ROBO1: variants seen among roughly 807,000 people sequenced by gnomAD.
The protein encoded by ROBO1 is roundabout guidance receptor 1.
In ROBO1, 149 loss-of-function variants were observed where a neutral mutation model predicts 195.9. That is an observed-to-expected ratio of 0.76 (90% CI 0.67 to 0.87). ROBO1 has a LOEUF of 0.87. Among genes scored for constraint, ROBO1 ranks in the 40% least tolerant of loss-of-function variants. ROBO1 has a pLI of 0.00. For missense variants in ROBO1, 1,933 were observed against 2,068.3 expected (o/e 0.93, Z 1.27); for synonymous variants, 816 against 733.2 (o/e 1.11, Z -1.82).
chr3:79,497,513 T>C (rs1289663144), intron 2 of ROBO1, among the ~76,000 whole-genome samples: 1 of 152,192 alleles, frequency 6.6e-6, no homozygotes, highest in East Asian at 1.9e-4. Context: ...CACAATATTA[T>C]CTTTTATAAG....
In ROBO1 at chr3:78,598,033, A is replaced by AAAGT. The variant is rs1366753183; in HGVS notation, c.*876_*879dup. ...CAAACTTCCTTAAGTGGCACTTCTG[A>AAAGT]AAGTTGAACTGACACTACCAGAAGA... is the stretch of plus-strand genomic sequence containing the variant. On this transcript the variant is annotated 3_prime_UTR_variant, in exon 31 of 31. Transcript: ENST00000464233. 6.6e-6 allele frequency: 1 copy of AAAGT among 152,650 alleles called. No individual in the cohort carries two copies. Among genetic ancestry groups the AAAGT allele is most frequent in the East Asian group, 1.9e-4 (1 of 5,188 alleles). The allele number at this position is 152,650 out of a possible 1,614,324, so 9.5% of individuals were successfully genotyped here.
intron 2 of ROBO1, among the ~76,000 whole-genome samples, chr3:79,358,397 T>C (rs1295987024): frequency 2.6e-5 from 4 of 152,032 alleles, no homozygotes; most frequent in African/African-American, 9.7e-5. Context: ...TCAGTCTGTG[T>C]CTCCTCTTTG....
At chr3:78,938,490 T>A in intron 4 of ROBO1, 111 bp downstream of exon 4, 1 of 833,908 alleles carries the variant, frequency 1.2e-6, no homozygotes, top group Non-Finnish European at 1.8e-6. Context: ...AGCTAGAGTT[T>A]ATCCTCAGGT....
intron 1 of ROBO1, among the ~76,000 whole-genome samples, chr3:79,712,039 C>T (rs1172569382): frequency 2.0e-5 from 3 of 152,036 alleles, no homozygotes; most frequent in African/African-American, 7.2e-5. Context: ...CCCTGTTTCT[C>T]TCCTTACTTT....
At chr3:79,707,726 T>A (rs1470210987) in intron 1 of ROBO1, among the ~76,000 whole-genome samples, 1 of 152,132 alleles carries the variant, frequency 6.6e-6, no homozygotes, top group Non-Finnish European at 1.5e-5. Context: ...GCCAGGATGG[T>A]CTCGATCTCC....
chr3:79,532,723 A>G (rs1941708686), intron 2 of ROBO1, among the ~76,000 whole-genome samples: 1 of 152,166 alleles, frequency 6.6e-6, no homozygotes, highest in African/African-American at 2.4e-5. Context: ...GCAAACAAAC[A>G]AACTTGGAGG....
At chr3:79,739,440 T>C (rs775990469) in intron 1 of ROBO1, among the ~76,000 whole-genome samples, 6 of 152,194 alleles carry the variant, frequency 3.9e-5, no homozygotes, top group Non-Finnish European at 8.8e-5. Context: ...ATAAGTGGTC[T>C]GGGTTTGGTT....
At chr3:78,758,250 T>C (rs956349791) in intron 4 of ROBO1, among the ~76,000 whole-genome samples, 1 of 152,212 alleles carries the variant, frequency 6.6e-6, no homozygotes, top group African/African-American at 2.4e-5. Context: ...CTGGGGGCAG[T>C]GGCTCACGCC....
At position 79,715,344 on chromosome 3, in the gene ROBO1, A is replaced by G. The variant is rs115582386; in HGVS notation, c.-51+52408T>C. Among the ~76,000 whole-genome samples the G allele has an allele frequency of 3.1e-3, 477 of 152,216 alleles. 2 individuals are homozygous for G. The highest frequency in any genetic ancestry group is 0.011 in the African/African-American group (448 of 41,556). On this transcript the variant is annotated intron_variant, in intron 1 of 30. Transcript: ENST00000464233. ...AGAGCCAATCAATGCAGCAAACCTC[A>G]TTGTTTTAAGAAATTGCCACAGTTA...
At chr3:79,052,810 G>C (rs2078729068) in intron 3 of ROBO1, among the ~76,000 whole-genome samples, 1 of 152,090 alleles carries the variant, frequency 6.6e-6, no homozygotes, top group Non-Finnish European at 1.5e-5. Flanking sequence ...CCTTTGGTAG[G>C]TGTGGAGAAA....
chr3:79,725,931 A>ATAT lies in ROBO1; in HGVS notation c.-51+41820_-51+41821insATA, dbSNP rs1279007857. Among the ~76,000 whole-genome samples the ATAT allele has an allele frequency of 1.1e-4, 16 of 151,362 alleles. No homozygotes were observed. In the East Asian group the frequency reaches 2.1e-3, roughly 20 times the overall value. On this transcript the variant is annotated intron_variant, in intron 1 of 30. Coordinates refer to ENST00000464233, the MANE Select transcript of ROBO1 (RefSeq NM_002941.4). The stretch of plus-strand genomic sequence containing the variant: ...AAAAAAAAAACTTTTCTTAAAAAAA[A>ATAT]AAGTATATCTGGCACTTGTTTGATC...
intron 2 of ROBO1, among the ~76,000 whole-genome samples, chr3:79,159,191 T>C (rs928019798): frequency 1.3e-5 from 2 of 152,024 alleles, no homozygotes; most frequent in Non-Finnish European, 1.5e-5. Flanking sequence ...ATTTGGCCTC[T>C]ATCAACCCTG....
intron 2 of ROBO1, among the ~76,000 whole-genome samples, chr3:79,243,372 T>A (rs2082559168): frequency 1.3e-5 from 2 of 152,168 alleles, no homozygotes; most frequent in Admixed American, 1.3e-4. Context: ...CTGGTTCAAA[T>A]GGTATTTCTA....
intron 3 of ROBO1, among the ~76,000 whole-genome samples, chr3:78,950,845 A>C (rs939961772): frequency 1.3e-5 from 2 of 151,976 alleles, no homozygotes; most frequent in African/African-American, 4.8e-5. Flanking sequence ...CTTTCCATGT[A>C]CTGTGCCATC....
At chr3:79,327,488 G>A (rs1228604711) in intron 2 of ROBO1, among the ~76,000 whole-genome samples, 1 of 151,834 alleles carries the variant, frequency 6.6e-6, no homozygotes, top group Non-Finnish European at 1.5e-5. Flanking sequence ...CAGACTTCCC[G>A]AGTTCCTCAG....
chr3:79,429,536 G>C (rs545712024), intron 2 of ROBO1, among the ~76,000 whole-genome samples: 1 of 152,156 alleles, frequency 6.6e-6, no homozygotes, highest in South Asian at 2.1e-4. Context: ...CAGTTCAGTG[G>C]AGTGAAGGGA....
At chr3:78,657,323 AAGATCAACAC>A in intron 17 of ROBO1, 54 bp from the exon 18 acceptor site, 1 of 1,576,774 alleles carries the variant, frequency 6.3e-7, no homozygotes, top group Non-Finnish European at 8.6e-7. Flanking sequence ...AATGAATGCA[AAGATCAACAC>A]AGGGTTGCAG....
intron 2 of ROBO1, among the ~76,000 whole-genome samples, chr3:79,356,954 T>C (rs1012904527): frequency 6.6e-6 from 1 of 152,200 alleles, no homozygotes; most frequent in Admixed American, 6.5e-5. Context: ...CCTGGGAACT[T>C]AAATTCCAGT....
intron 4 of ROBO1, among the ~76,000 whole-genome samples, chr3:78,896,148 T>A (rs1260232879): frequency 6.6e-6 from 1 of 152,162 alleles, no homozygotes; most frequent in Non-Finnish European, 1.5e-5. Flanking sequence ...ACAGAAAAAG[T>A]TATTCATATA....
Sources: gnomAD v4.1 joint callset for allele counts (sites outside exome capture counted in the v4.1 genomes callset) on GRCh38, gnomAD v4.1.1 for gene constraint, MANE v1.5 for transcripts, NCBI Gene and HGNC (gene_info 2026-07-23, HGNC 2026-07-21) for gene names.